Variants in MPZL1 observed in about 807,000 individuals in gnomAD.
MPZL1 encodes the protein myelin protein zero-like protein 1.
A neutral mutation model predicts 29.3 loss-of-function variants in MPZL1; 16 were observed. That is an observed-to-expected ratio of 0.55 (90% CI 0.37 to 0.83). MPZL1 has a LOEUF of 0.83. MPZL1 is among the 40% of genes least tolerant of loss of function. The pLI, the probability that MPZL1 is intolerant of heterozygous loss-of-function variation, is 0.00. For synonymous variants in MPZL1, 143 were observed against 132.0 expected, an observed-to-expected ratio of 1.08 and a Z score of -0.57; for missense variants, 279 against 332.9, an observed-to-expected ratio of 0.84 and a Z score of 1.26.
rs1332923366 is a variant in MPZL1, at chr1:167,790,686, G to C, written c.*2765G>C. On this transcript the variant is annotated 3_prime_UTR_variant, in exon 6 of 6. Coordinates refer to ENST00000359523, the MANE Select transcript of MPZL1 (RefSeq NM_003953.6). ...GGGAGCACTCAAAAGGCATTACTTA[G>C]AGATTGAAATTTCAAACTATCTCTA... 3 of 152,156 alleles carry C rather than the reference G, an allele frequency of 2.0e-5. No homozygotes were observed. The highest frequency in any genetic ancestry group is 6.5e-5 in the Admixed American group (1 of 15,280). 9.4% of individuals were successfully genotyped at this position (152,156 alleles called of 1,614,324 possible).
intron 5 of MPZL1, among the ~76,000 whole-genome samples, chr1:167,781,446 AC>A (rs1336013282): frequency 3.3e-5 from 5 of 152,176 alleles, no homozygotes; most frequent in African/African-American, 1.2e-4. Flanking sequence ...ACAGAAAGAT[AC>A]CTGGAAAGTC....
intron 1 of MPZL1, among the ~76,000 whole-genome samples, chr1:167,763,609 A>G (rs181596396): frequency 2.1e-4 from 32 of 152,324 alleles, no homozygotes; most frequent in African/African-American, 7.5e-4. Flanking sequence ...AAACTAGTCA[A>G]AATCACACAG....
intron 2 of MPZL1, among the ~76,000 whole-genome samples, chr1:167,766,122 A>G (rs1021654514): frequency 4.3e-4 from 66 of 152,234 alleles, no homozygotes; most frequent in African/African-American, 1.2e-4. Flanking sequence ...TGATTTGATT[A>G]TCTTTTTTTA....
rs375159380 is a variant in MPZL1, at chr1:167,772,298, A to G, written c.282A>G (p.Gln94=). 11 of 1,613,884 alleles carry G rather than the reference A, an allele frequency of 6.8e-6. No individual in the cohort carries two copies. In the African/African-American group the frequency reaches 1.1e-4, roughly 16 times the overall value. Reference sequence around the variant, plus strand: ...AGTTTTTCCACTACTCCCAAGGGCAAGTGTACCTTGGGAATTATCCACCAT... The same window carrying G: ...AGTTTTTCCACTACTCCCAAGGGCAGGTGTACCTTGGGAATTATCCACCAT... The part of the protein sequence containing the change: ...TVSFFHYSQG[Q]VYLGNYPPFK... The change falls in exon 3 of 6, where the codon CAA becomes CAG. Residue 94 remains glutamine, a synonymous_variant. Transcript: ENST00000359523.
chr1:167,758,375 G>A lies in MPZL1; in HGVS notation c.92-7208G>A, dbSNP rs980124468. On this transcript the variant is annotated intron_variant, in intron 1 of 5. Transcript: ENST00000359523. Reference sequence around the variant, plus strand: ...AATTTACTTGGAGTAAGATCATCTCGGCATGTAGTTGGGAGACATTATTTA... The same window carrying A: ...AATTTACTTGGAGTAAGATCATCTCAGCATGTAGTTGGGAGACATTATTTA... Among the ~76,000 whole-genome samples, 9 of 151,994 alleles carry A rather than the reference G, an allele frequency of 5.9e-5. No homozygotes were observed. The South Asian group carries it at 8.3e-4, about 14-fold the overall frequency.
chr1:167,731,788 G>A (rs534961831), intron 1 of MPZL1, among the ~76,000 whole-genome samples: 1 of 151,738 alleles, frequency 6.6e-6, no homozygotes, highest in African/African-American at 2.4e-5. Flanking sequence ...TGCTAAGGAG[G>A]CAGGAGGATC....
chr1:167,752,386 C>G (rs1464189293), intron 1 of MPZL1, among the ~76,000 whole-genome samples: 1 of 152,114 alleles, frequency 6.6e-6, no homozygotes, highest in Non-Finnish European at 1.5e-5. Flanking sequence ...AGTGCTGACT[C>G]CCTGCTTGGA....
At position 167,722,192 on chromosome 1, in the gene MPZL1, C is replaced by T. The variant is rs368926182; in HGVS notation, c.41C>T (p.Pro14Leu). 235 of 1,238,604 alleles carry T rather than the reference C, an allele frequency of 1.9e-4. 1 individual carries two copies. In the African/African-American group the frequency reaches 3.4e-3, roughly 18 times the overall value. The allele number at this position is 1,238,604 out of a possible 1,614,324, so 76.7% of individuals were successfully genotyped here. The change falls in exon 1 of 6, where the codon CCA (proline) becomes CTA (leucine). Residue 14 changes from proline (P) to leucine (L), a missense_variant. Physicochemically the swap from Pro to Leu is moderately conservative, Grantham distance 98 (BLOSUM62 -3). Transcript: ENST00000359523. The stretch of plus-strand genomic sequence containing the variant: ...GGAGCCGGGGCGGTGATTGCAGCCC[C>T]AGACAGCCGGCGCTGGCTGTGGTCG... ...SAGAGAVIAA[P>L]DSRRWLWSVL... is the part of the protein sequence containing the mutation.
At chr1:167,766,348 G>T (rs1661114065) in intron 2 of MPZL1, among the ~76,000 whole-genome samples, 1 of 152,200 alleles carries the variant, frequency 6.6e-6, no homozygotes, top group Non-Finnish European at 1.5e-5. Flanking sequence ...TTAGTAACTA[G>T]TGGAGTGCTG....
chr1:167,748,437 T>G (rs1660691573), intron 1 of MPZL1, among the ~76,000 whole-genome samples: 1 of 152,182 alleles, frequency 6.6e-6, no homozygotes, highest in Non-Finnish European at 1.5e-5. Context: ...TATGTATGTC[T>G]TTGGAGAAAT....
rs1476348155 is a variant in MPZL1, at chr1:167,777,405, C to T, written c.708+1239C>T. On this transcript the variant is annotated intron_variant, in intron 5 of 5. Coordinates refer to ENST00000359523, the MANE Select transcript of MPZL1 (RefSeq NM_003953.6). ...AAGAAAGGAAACAGACAATGTGAGC[C>T]GTGTTATTGCCCCAGTGTACTGCCT... Among the ~76,000 whole-genome samples the T allele has an allele frequency of 1.1e-4, 16 of 152,166 alleles. No individual in the cohort carries two copies. In the East Asian group the frequency reaches 2.7e-3, roughly 26 times the overall value.
chr1:167,751,986 A>G (rs1379133640), intron 1 of MPZL1, among the ~76,000 whole-genome samples: 1 of 152,132 alleles, frequency 6.6e-6, no homozygotes, highest in African/African-American at 2.4e-5. Flanking sequence ...CAAAAAGTCC[A>G]CTGTTACTAT....
At chr1:167,742,776 T>TAAATC in intron 1 of MPZL1, among the ~76,000 whole-genome samples, 2 of 152,262 alleles carry the variant, frequency 1.3e-5, no homozygotes, top group South Asian at 4.1e-4. Context: ...GGTCTTAGAT[T>TAAATC]TAAGTCCTTG....
chr1:167,772,357 A>G lies in MPZL1; in HGVS notation c.341A>G (p.Asp114Gly). 6.2e-7 allele frequency: 1 copy of G among 1,613,938 alleles called. No individual in the cohort carries two copies. The highest frequency in any genetic ancestry group is 8.5e-7 in the Non-Finnish European group (1 of 1,179,826). The stretch of plus-strand genomic sequence containing the variant: ...AGAATCAGCTGGGCTGGAGACCTTG[A>G]CAAGAAAGATGCATCAATCAACATA... ...KDRISWAGDL[D>G]KKDASINIEN... The change falls in exon 3 of 6, where the codon GAC (aspartate) becomes GGC (glycine). Residue 114 changes from aspartate (D) to glycine (G), a missense_variant. By Grantham distance (94) the Asp-to-Gly change is moderately conservative. Transcript: ENST00000359523.
intron 5 of MPZL1, among the ~76,000 whole-genome samples, chr1:167,784,248 T>C (rs1332841237): frequency 6.6e-6 from 1 of 152,228 alleles, no homozygotes; most frequent in Non-Finnish European, 1.5e-5. Context: ...AATGTGTTTC[T>C]TGAAACATTT....
At chr1:167,769,524 C>T (rs908972205) in intron 2 of MPZL1, among the ~76,000 whole-genome samples, 6 of 152,178 alleles carry the variant, frequency 3.9e-5, no homozygotes, top group African/African-American at 1.4e-4. Context: ...GAGAAACAAA[C>T]ACATGCTTTC....
intron 1 of MPZL1, among the ~76,000 whole-genome samples, chr1:167,756,725 T>A (rs1407726885): frequency 6.6e-6 from 1 of 152,216 alleles, no homozygotes; most frequent in African/African-American, 2.4e-5. Context: ...ACTGATTCAT[T>A]CATTTTTCCT....
intron 5 of MPZL1, among the ~76,000 whole-genome samples, chr1:167,782,787 G>A (rs767508395): frequency 3.3e-5 from 5 of 152,096 alleles, no homozygotes; most frequent in Admixed American, 6.5e-5. Context: ...GGTAAGCATC[G>A]GGGAGAGACT....
intron 1 of MPZL1, among the ~76,000 whole-genome samples, chr1:167,744,118 T>C (rs1363564563): frequency 6.6e-6 from 1 of 152,112 alleles, no homozygotes; most frequent in Admixed American, 6.6e-5. Flanking sequence ...TATTAACTCA[T>C]TTCATTCTTG....
Sources: allele counts gnomAD v4.1 joint callset (sites outside exome capture counted in the v4.1 genomes callset), GRCh38; gene constraint gnomAD v4.1.1; transcripts MANE v1.5; gene names NCBI Gene and HGNC (gene_info 2026-07-23, HGNC 2026-07-21).